CSMD1: variants seen among roughly 807,000 people sequenced by gnomAD.
The protein encoded by CSMD1 is CUB and sushi domain-containing protein 1.
A neutral mutation model predicts 417.5 loss-of-function variants in CSMD1; 213 were observed. The observed-to-expected ratio is 0.51, with a 90% CI of 0.46 to 0.57. CSMD1 has a LOEUF of 0.57. Ranked by LOEUF, CSMD1 falls within the 20% of genes least tolerant of loss-of-function variation. CSMD1 has a pLI of 0.00. For synonymous variants in CSMD1, 2,862 were observed against 1,736.8 expected (o/e 1.65, Z -16.11); for missense variants, 6,923 against 4,529.7 (o/e 1.53, Z -15.17).
At chr8:4,703,939 T>C (rs1807747829) in intron 1 of CSMD1, among the ~76,000 whole-genome samples, 2 of 152,138 alleles carry the variant, frequency 1.3e-5, no homozygotes, top group African/African-American at 4.8e-5. Context: ...TTCTCACAAG[T>C]AGCACACAAC....
chr8:3,926,130 CACTT>C (rs1332596430), intron 5 of CSMD1, among the ~76,000 whole-genome samples: 1 of 133,662 alleles, frequency 7.5e-6, no homozygotes, highest in Non-Finnish European at 1.6e-5. Context: ...CACACACACA[CACTT>C]GTGGTGTGTA....
chr8:3,869,865 C>T (rs554900362), intron 5 of CSMD1, among the ~76,000 whole-genome samples: 2 of 151,864 alleles, frequency 1.3e-5, no homozygotes, highest in Admixed American at 1.3e-4. Context: ...ATTATCCTTA[C>T]TGATCTAATT....
At chr8:4,091,988 C>A (rs1474372964) in intron 3 of CSMD1, among the ~76,000 whole-genome samples, 1 of 152,070 alleles carries the variant, frequency 6.6e-6, no homozygotes, top group Non-Finnish European at 1.5e-5. Context: ...TTTTATGCGC[C>A]TAAAAAGTGA....
chr8:3,527,917 T>C (rs1241238834), intron 10 of CSMD1, among the ~76,000 whole-genome samples: 1 of 152,148 alleles, frequency 6.6e-6, no homozygotes, highest in Non-Finnish European at 1.5e-5. Context: ...TAAGTCTTGG[T>C]TGTAGGGCAG....
chr8:3,042,267 G>C (rs1811152577), intron 50 of CSMD1, among the ~76,000 whole-genome samples: 1 of 152,076 alleles, frequency 6.6e-6, no homozygotes, highest in Non-Finnish European at 1.5e-5. Flanking sequence ...CTCCTATCTA[G>C]CACAGAGACT....
At position 3,396,268 on chromosome 8, in the gene CSMD1, G is replaced by C. The variant is rs748515074; in HGVS notation, c.2519C>G (p.Thr840Ser). 3.1e-6 allele frequency: 5 copies of C among 1,591,954 alleles called. No individual in the cohort carries two copies. Among genetic ancestry groups the C allele is most frequent in the Middle Eastern group, 1.7e-4 (1 of 5,976 alleles). ...GAACAGCAGGTACATGAAGTTCCCG[G>C]TGCTGATGAGGAACTGGGGTGCCTG... ...GTQAPQFLISTGNFMYLLFTT... is the reference protein window; with the variant it reads ...GTQAPQFLISSGNFMYLLFTT... The change falls in exon 17 of 70, where the codon ACC becomes AGC. Residue 840 changes from threonine (T) to serine (S), a missense_variant. Thr to Ser is a moderately conservative substitution (Grantham distance 58). Coordinates refer to ENST00000635120, the MANE Select transcript of CSMD1 (RefSeq NM_033225.6).
chr8:4,211,114 T>C (rs943594540), intron 3 of CSMD1, among the ~76,000 whole-genome samples: 6 of 152,190 alleles, frequency 3.9e-5, no homozygotes, highest in Admixed American at 3.3e-4. Context: ...TTTCTTGCTG[T>C]TATATATTCC....
At chr8:4,459,342 C>CA (rs1353349782) in intron 2 of CSMD1, among the ~76,000 whole-genome samples, 3 of 152,186 alleles carry the variant, frequency 2.0e-5, no homozygotes, top group African/African-American at 4.8e-5. Context: ...CCAAGACAAT[C>CA]AAGCTCTCAC....
chr8:4,792,999 T>C (rs1347882117), intron 1 of CSMD1, among the ~76,000 whole-genome samples: 1 of 151,668 alleles, frequency 6.6e-6, no homozygotes, highest in Non-Finnish European at 1.5e-5. Context: ...TATATATATA[T>C]ATATATATCT....
intron 1 of CSMD1, among the ~76,000 whole-genome samples, chr8:4,902,760 G>A (rs956435959): frequency 2.4e-4 from 36 of 152,036 alleles, no homozygotes; most frequent in Non-Finnish European, 4.1e-4. Context: ...TCTGGCCTCT[G>A]TAGCTTATCT....
At position 3,930,703 on chromosome 8, in the gene CSMD1, A is replaced by T. The variant is rs150968469; in HGVS notation, c.818+67200T>A. ...GCTGGCAAGTGTACCCTTTCTGCAG[A>T]AAGGAAAAAAATGGCCTTGTGAGGA... On this transcript the variant is annotated intron_variant, in intron 5 of 69. Transcript: ENST00000635120. Among the ~76,000 whole-genome samples the T allele has an allele frequency of 7.2e-4, 109 of 150,536 alleles. 2 individuals are homozygous for T. The highest frequency in any genetic ancestry group is 2.5e-3 in the African/African-American group (103 of 40,904).
At chr8:4,309,769 G>C (rs971042382) in intron 3 of CSMD1, among the ~76,000 whole-genome samples, 7 of 152,110 alleles carry the variant, frequency 4.6e-5, no homozygotes, top group South Asian at 2.1e-4. Flanking sequence ...CGTTTTACTA[G>C]ATCAATGAAG....
intron 5 of CSMD1, among the ~76,000 whole-genome samples, chr8:3,940,597 G>A (rs895567633): frequency 1.5e-4 from 22 of 148,856 alleles, no homozygotes; most frequent in African/African-American, 4.7e-4. Flanking sequence ...CAACAAAAAA[G>A]AACATATACA....
intron 41 of CSMD1, among the ~76,000 whole-genome samples, chr8:3,121,731 G>T (rs374787248): frequency 8.9e-4 from 136 of 152,178 alleles, no homozygotes; most frequent in African/African-American, 3.1e-3. Context: ...GCCAGGAGTC[G>T]AATGCTGCAG....
chr8:3,817,005 T>A (rs1250300230), intron 5 of CSMD1, among the ~76,000 whole-genome samples: 2 of 152,066 alleles, frequency 1.3e-5, no homozygotes, highest in Non-Finnish European at 2.9e-5. Flanking sequence ...TGCTTCTCAT[T>A]GTGTTGTAAA....
intron 4 of CSMD1, among the ~76,000 whole-genome samples, chr8:4,013,076 A>C (rs1046135641): frequency 1.3e-5 from 2 of 152,118 alleles, no homozygotes; most frequent in African/African-American, 4.8e-5. Context: ...ATAAGTAGCC[A>C]GAGTAATCCT....
chr8:4,417,351 C>G (rs2078144507), intron 3 of CSMD1, among the ~76,000 whole-genome samples: 1 of 152,006 alleles, frequency 6.6e-6, no homozygotes, highest in East Asian at 1.9e-4. Flanking sequence ...AAAGTACTGC[C>G]AGACAACAGT....
chr8:3,187,772 G>T, intron 36 of CSMD1, 97 bp downstream of exon 36: 1 of 870,210 alleles, frequency 1.1e-6, no homozygotes, highest in Non-Finnish European at 1.9e-6. Flanking sequence ...AATTGTGTAG[G>T]AAAATTTCTA....
chr8:3,214,518 G>T lies in CSMD1; in HGVS notation c.4846C>A (p.Gln1616Lys). The T allele has an allele frequency of 1.9e-6, 3 of 1,597,984 alleles. No homozygotes were observed. The highest frequency in any genetic ancestry group is 1.7e-6 in the Non-Finnish European group (2 of 1,172,214). ...TCACCATTGCAGGAGGGCAGCACTT[G>T]GTCCCAGGAGGGTTTCCCATCAGCC... ...IGADGKPSWDQVLPSCNAPCG... is the reference protein window; with the variant it reads ...IGADGKPSWDKVLPSCNAPCG... Residue 1616 changes from glutamine (Q) to lysine (K), a missense_variant, in exon 30 of 70, where the codon CAA becomes AAA. Physicochemically the swap from Gln to Lys is moderately conservative, Grantham distance 53. Coordinates refer to ENST00000635120, the MANE Select transcript of CSMD1 (RefSeq NM_033225.6).
Sources: gnomAD v4.1 joint callset for allele counts (sites outside exome capture counted in the v4.1 genomes callset) on GRCh38, gnomAD v4.1.1 for gene constraint, MANE v1.5 for transcripts, NCBI Gene and HGNC (gene_info 2026-07-23, HGNC 2026-07-21) for gene names.